Variants in SRGAP3 observed in about 807,000 individuals in gnomAD.
The protein encoded by SRGAP3 is SLIT-ROBO Rho GTPase activating protein 3, also known as SLIT-ROBO Rho GTPase-activating protein 3.
A neutral mutation model predicts 121.1 loss-of-function variants in SRGAP3; 39 were observed. The ratio of observed to expected loss-of-function variants is 0.32; its 90% CI spans 0.25 to 0.42. SRGAP3 has a LOEUF of 0.42. Ranked by LOEUF, SRGAP3 falls within the 10% of genes least tolerant of loss-of-function variation. SRGAP3 has a pLI of 1.00. For synonymous variants in SRGAP3, 601 were observed against 570.0 expected (o/e 1.05, Z -0.77); for missense variants, 1,213 against 1,470.6 (o/e 0.82, Z 2.86).
intron 3 of SRGAP3, among the ~76,000 whole-genome samples, chr3:9,300,489 G>A (rs1010998331): frequency 6.6e-6 from 1 of 151,972 alleles, no homozygotes; most frequent in Admixed American, 6.5e-5. Context: ...TCTCTGTGGA[G>A]AGGCTTCCCA....
chr3:9,087,923 C>A (rs187480667), intron 3 of SRGAP3, among the ~76,000 whole-genome samples: 1 of 152,280 alleles, frequency 6.6e-6, no homozygotes, highest in East Asian at 1.9e-4. Context: ...CACCAACTCC[C>A]CAGTATCAAG....
At chr3:9,225,634 G>T (rs991337596) in intron 1 of SRGAP3, among the ~76,000 whole-genome samples, 3 of 152,036 alleles carry the variant, frequency 2.0e-5, no homozygotes, top group African/African-American at 7.2e-5. Flanking sequence ...ACTCCCAGCT[G>T]CCCGCCCTTC....
chr3:9,006,436 G>T (rs554293831), intron 18 of SRGAP3, among the ~76,000 whole-genome samples: 1 of 150,774 alleles, frequency 6.6e-6, no homozygotes, highest in Admixed American at 6.6e-5. Context: ...GAGTGGCTAT[G>T]ACTCCACAAC....
chr3:9,002,779 G>A (rs1438541268), intron 18 of SRGAP3, among the ~76,000 whole-genome samples: 1 of 151,944 alleles, frequency 6.6e-6, no homozygotes, highest in Non-Finnish European at 1.5e-5. Context: ...TATTTTACAG[G>A]AGAAAAAGGA....
chr3:8,986,005 C>CTTCCCTTCGTAGGCAGG, intron 21 of SRGAP3, 73 bp from the exon 22 acceptor site: 1 of 1,595,890 alleles, frequency 6.3e-7, no homozygotes. Context: ...TGCTAAGCAG[C>CTTCCCTTCGTAGGCAGG]TTCCCTTCGT....
chr3:9,297,721 C>T (rs1279825969), intron 3 of SRGAP3, among the ~76,000 whole-genome samples: 2 of 151,956 alleles, frequency 1.3e-5, no homozygotes. Context: ...CGTGGTGAAA[C>T]CCCATCTCTA....
chr3:9,260,731 A>G (rs1040101666), intron 3 of SRGAP3, among the ~76,000 whole-genome samples: 10 of 152,228 alleles, frequency 6.6e-5, no homozygotes, highest in African/African-American at 2.4e-4. Context: ...GCTTCAACAG[A>G]CTTAAACGTT....
chr3:9,041,115 C>T (rs1019479947), intron 10 of SRGAP3, among the ~76,000 whole-genome samples: 1 of 152,238 alleles, frequency 6.6e-6, no homozygotes, highest in Non-Finnish European at 1.5e-5. Flanking sequence ...ATAAGTGCTG[C>T]AGCACAATTG....
chr3:9,060,342 A>G lies in SRGAP3; in HGVS notation c.690T>C (p.Ser230=). The G allele has an allele frequency of 6.2e-7, 1 of 1,613,952 alleles. No homozygotes were observed. Among genetic ancestry groups the G allele is most frequent in the Non-Finnish European group, 8.5e-7 (1 of 1,179,966 alleles). Reference sequence around the variant, plus strand: ...CCTTTGTGCATTTCAGCTTGTTCTCAGAGTACTTGGCCTGCCTCTGGAAGA... The same window carrying G: ...CCTTTGTGCATTTCAGCTTGTTCTCGGAGTACTTGGCCTGCCTCTGGAAGA... ...KMKEKRQAKY[S]ENKLKCTKAR... The change falls in exon 6 of 22, where the codon TCT becomes TCC. Residue 230 remains serine (S), a synonymous_variant. Coordinates refer to ENST00000383836, the MANE Select transcript of SRGAP3 (RefSeq NM_014850.4).
rs1943688609 is a variant in SRGAP3, at chr3:9,017,331, A to G, written c.1679-1600T>C. ...TTGTACATTTTTTTCTTACCATAAA[A>G]ATATTGGTTCTGAATAATATTAGTA... On this transcript the variant is annotated intron_variant, in intron 14 of 21. Coordinates refer to ENST00000383836, the MANE Select transcript of SRGAP3 (RefSeq NM_014850.4). 2.6e-5 allele frequency among the ~76,000 whole-genome samples: 4 copies of G among 152,196 alleles called. No individual in the cohort carries two copies. The South Asian group carries it at 8.3e-4, about 32-fold the overall frequency.
At chr3:9,010,524 C>T in intron 17 of SRGAP3, 137 bp from the exon 18 acceptor site, 2 of 902,770 alleles carry the variant, frequency 2.2e-6, no homozygotes, top group South Asian at 2.7e-5. Context: ...CCTATCTTTT[C>T]CATGTGACCA....
intron 1 of SRGAP3, among the ~76,000 whole-genome samples, chr3:9,189,100 T>C (rs1951681218): frequency 1.3e-5 from 2 of 152,154 alleles, no homozygotes; most frequent in Non-Finnish European, 2.9e-5. Flanking sequence ...GAGGAGGACA[T>C]ATCATCACAG....
At chr3:9,216,069 C>T (rs548978709) in intron 1 of SRGAP3, among the ~76,000 whole-genome samples, 13 of 149,118 alleles carry the variant, frequency 8.7e-5, no homozygotes, top group African/African-American at 3.0e-4. Flanking sequence ...TGTATATATA[C>T]TCTCCAGCTG....
intron 1 of SRGAP3, among the ~76,000 whole-genome samples, chr3:9,347,339 A>T (rs893012154): frequency 1.3e-5 from 2 of 152,188 alleles, no homozygotes; most frequent in African/African-American, 4.8e-5. Context: ...GAGTAGGCAT[A>T]CATCTATGTA....
At chr3:9,070,166 G>C (rs369813580) in intron 4 of SRGAP3, among the ~76,000 whole-genome samples, 2 of 152,176 alleles carry the variant, frequency 1.3e-5, no homozygotes, top group African/African-American at 4.8e-5. Context: ...CCATCTTTCA[G>C]CCCCTCATTT....
chr3:9,147,839 A>G (rs1397725190), intron 1 of SRGAP3, among the ~76,000 whole-genome samples: 3 of 152,116 alleles, frequency 2.0e-5, no homozygotes, highest in African/African-American at 7.2e-5. Flanking sequence ...ACTAAAGCAG[A>G]TGACATGGGC....
intron 1 of SRGAP3, among the ~76,000 whole-genome samples, chr3:9,178,790 C>A (rs1445178748): frequency 6.6e-6 from 1 of 152,132 alleles, no homozygotes; most frequent in Non-Finnish European, 1.5e-5. Context: ...AACCTCAAGG[C>A]CCCAGAAAGA....
At chr3:9,120,298 A>T (rs930896889) in intron 2 of SRGAP3, among the ~76,000 whole-genome samples, 1 of 152,202 alleles carries the variant, frequency 6.6e-6, no homozygotes, top group African/African-American at 2.4e-5. Context: ...TTTCAATAGA[A>T]GTGACATCTC....
chr3:9,206,045 T>C (rs1178784137), intron 1 of SRGAP3, among the ~76,000 whole-genome samples: 2 of 152,148 alleles, frequency 1.3e-5, no homozygotes, highest in African/African-American at 2.4e-5. Flanking sequence ...CTGAGATGAA[T>C]AGTGGTGACG....
Sources: allele counts gnomAD v4.1 joint callset (sites outside exome capture counted in the v4.1 genomes callset), GRCh38; gene constraint gnomAD v4.1.1; transcripts MANE v1.5; gene names NCBI Gene and HGNC (gene_info 2026-07-23, HGNC 2026-07-21).